Variants in PPP2R5C observed in about 807,000 individuals in gnomAD.
PPP2R5C encodes the protein protein phosphatase 2 regulatory subunit B'gamma.
A neutral mutation model predicts 68.9 loss-of-function variants in PPP2R5C; 7 were observed. The observed-to-expected ratio is 0.10, with a 90% confidence interval of 0.06 to 0.19. The LOEUF is 0.19. Among genes scored for constraint, PPP2R5C ranks in the 10% least tolerant of loss-of-function variants. PPP2R5C has a pLI of 1.00. For synonymous variants in PPP2R5C, 210 were observed against 222.2 expected, an observed-to-expected ratio of 0.95 and a Z score of 0.49; for missense variants, 348 against 641.3, an observed-to-expected ratio of 0.54 and a Z score of 4.94.
intron 2 of PPP2R5C, among the ~76,000 whole-genome samples, chr14:101,769,981 G>T (rs937468004): frequency 6.6e-6 from 1 of 152,120 alleles, no homozygotes; most frequent in Non-Finnish European, 1.5e-5. Flanking sequence ...TGTCACTCCA[G>T]GCTACACACC....
intron 1 of PPP2R5C, among the ~76,000 whole-genome samples, chr14:101,826,506 G>A (rs533598170): frequency 6.2e-4 from 95 of 152,306 alleles, no homozygotes; most frequent in Middle Eastern, 3.4e-3. Context: ...CTGTCCTTAT[G>A]TCTGTACCAC....
At chr14:101,778,735 A>AT (rs1341848524) in intron 2 of PPP2R5C, among the ~76,000 whole-genome samples, 1 of 152,106 alleles carries the variant, frequency 6.6e-6, no homozygotes, top group Non-Finnish European at 1.5e-5. Context: ...TGCCAGTATC[A>AT]TACTACCTTG....
At chr14:101,840,476 C>G (rs8018243) in intron 1 of PPP2R5C, among the ~76,000 whole-genome samples, 7,860 of 133,782 alleles carry the variant, frequency 0.059, 306 homozygotes, top group Middle Eastern at 0.095. Flanking sequence ...CTGCTCCCCC[C>G]ACCACCAAAA....
In PPP2R5C at chr14:101,917,540, G is replaced by C. The variant is rs1347486779; in HGVS notation, c.1327-291G>C. ...GCACTTGGCTGCTCACGTGGAGTCA[G>C]AACTGCAGAGGCCATGGGGTGTGGG... On this transcript the variant is annotated intron_variant, in intron 12 of 13. Coordinates refer to ENST00000334743, the Ensembl canonical transcript of PPP2R5C. The surrounding 1 kb of genome is among the most constrained non-coding windows in gnomAD (Gnocchi z 4.4). Among the ~76,000 whole-genome samples, 3 of 151,894 alleles carry C rather than the reference G, an allele frequency of 2.0e-5. No individual in the cohort carries two copies. The East Asian group carries it at 5.8e-4, about 29-fold the overall frequency.
In PPP2R5C at chr14:101,923,520, T is replaced by C. The variant is rs189438658; in HGVS notation, c.1444-1621T>C. 5.3e-5 allele frequency among the ~76,000 whole-genome samples: 8 copies of C among 152,338 alleles called. No individual in the cohort carries two copies. The East Asian group carries it at 1.5e-3, about 29-fold the overall frequency. ...TTGAAGGTAGACATGCTTTACATCC[T>C]CACACGTTAACACGCTCTTACAAGT... On this transcript the variant is annotated intron_variant, in intron 13 of 13. Transcript: ENST00000334743.
intron 1 of PPP2R5C, among the ~76,000 whole-genome samples, chr14:101,823,081 C>T (rs757121530): frequency 6.6e-6 from 1 of 152,138 alleles, no homozygotes; most frequent in Non-Finnish European, 1.5e-5. Context: ...GTAAACTAAA[C>T]TTGGAACCCC....
chr14:101,807,303 A>T (rs190666452), upstream of PPP2R5C, among the ~76,000 whole-genome samples: 20 of 152,260 alleles, frequency 1.3e-4, no homozygotes, highest in African/African-American at 4.3e-4. Context: ...TTATGTCAAC[A>T]TATTTCTCAG....
chr14:101,761,317 T>C (rs556156638), upstream of PPP2R5C, among the ~76,000 whole-genome samples: 2 of 152,210 alleles, frequency 1.3e-5, no homozygotes, highest in African/African-American at 4.8e-5. Context: ...ACGCTCTGTC[T>C]TGCGCCTCCA....
chr14:101,770,305 CTG>C (rs1255797985), intron 2 of PPP2R5C, among the ~76,000 whole-genome samples: 1 of 152,112 alleles, frequency 6.6e-6, no homozygotes, highest in Non-Finnish European at 1.5e-5. Flanking sequence ...TGTGCGAGCA[CTG>C]TGTTGAGGAT....
At chr14:101,832,824 C>T (rs542348069) in intron 1 of PPP2R5C, among the ~76,000 whole-genome samples, 1 of 152,306 alleles carries the variant, frequency 6.6e-6, no homozygotes, top group Admixed American at 6.5e-5. Flanking sequence ...CCGCGCTTTA[C>T]CGTGTAATTT....
At chr14:101,923,211 T>C (rs2047109517) in intron 13 of PPP2R5C, among the ~76,000 whole-genome samples, 2 of 152,218 alleles carry the variant, frequency 1.3e-5, no homozygotes, top group African/African-American at 4.8e-5. Context: ...TACACATCAA[T>C]TTAAAATGTC....
At chr14:101,779,223 G>A (rs1393088669) in intron 2 of PPP2R5C, among the ~76,000 whole-genome samples, 2 of 152,118 alleles carry the variant, frequency 1.3e-5, no homozygotes, top group Non-Finnish European at 2.9e-5. Context: ...TGAAGGAGAC[G>A]CAGCAAGCTC....
intron 1 of PPP2R5C, among the ~76,000 whole-genome samples, chr14:101,815,873 A>T (rs376263502): frequency 1.3e-5 from 2 of 152,040 alleles, no homozygotes; most frequent in Non-Finnish European, 2.9e-5. Context: ...TTTCACCGTG[A>T]TGGCCAGGCT....
chr14:101,864,127 A>G (rs1201242620), intron 2 of PPP2R5C, among the ~76,000 whole-genome samples: 2 of 152,144 alleles, frequency 1.3e-5, no homozygotes, highest in African/African-American at 2.4e-5. Context: ...AATTCAGCAC[A>G]CTGCCTTTTA....
chr14:101,779,360 C>G (rs931960345), intron 2 of PPP2R5C, among the ~76,000 whole-genome samples: 2 of 152,128 alleles, frequency 1.3e-5, no homozygotes, highest in African/African-American at 4.8e-5. Context: ...AGGGAACCCC[C>G]TTAAGAACAC....
intron 3 of PPP2R5C, among the ~76,000 whole-genome samples, chr14:101,792,153 TA>T (rs941821163): frequency 3.3e-5 from 5 of 152,224 alleles, no homozygotes; most frequent in African/African-American, 1.2e-4. Flanking sequence ...GGCAACGCTT[TA>T]TAACTTAGGA....
intron 3 of PPP2R5C, among the ~76,000 whole-genome samples, chr14:101,803,842 G>T (rs1335688782): frequency 1.3e-5 from 2 of 152,032 alleles, no homozygotes; most frequent in African/African-American, 2.4e-5. Flanking sequence ...TACCCCACAA[G>T]CACAGGCAAC....
intron 1 of PPP2R5C, among the ~76,000 whole-genome samples, chr14:101,854,951 C>T (rs1157146162): frequency 6.6e-6 from 1 of 152,206 alleles, no homozygotes; most frequent in Non-Finnish European, 1.5e-5. Context: ...AAGTGGATCA[C>T]TTGAGGCCAG....
intron 2 of PPP2R5C, among the ~76,000 whole-genome samples, chr14:101,872,293 G>A (rs1401503820): frequency 2.9e-5 from 4 of 136,184 alleles, no homozygotes; most frequent in Non-Finnish European, 4.5e-5. Flanking sequence ...GTGCAATCAC[G>A]GCTCACTGCA....
Sources: allele counts gnomAD v4.1 joint callset (sites outside exome capture counted in the v4.1 genomes callset), GRCh38; gene constraint gnomAD v4.1.1; non-coding constraint Gnocchi (gnomAD v3.1); transcripts MANE v1.5; gene names NCBI Gene and HGNC (gene_info 2026-07-23, HGNC 2026-07-21).